Variants in OPCML observed in about 807,000 individuals in gnomAD.
The protein encoded by OPCML is opioid binding protein/cell adhesion molecule like, also known as opioid-binding protein/cell adhesion molecule.
Under a neutral mutation model 37.8 loss-of-function variants are expected in OPCML, and 13 were observed. The ratio of observed to expected loss-of-function variants is 0.34; its 90% CI spans 0.22 to 0.55. The LOEUF (loss-of-function observed/expected upper bound fraction) is 0.55. Ranked by LOEUF, OPCML falls within the 20% of genes least tolerant of loss-of-function variation. The pLI is 0.91. For missense variants in OPCML, 341 were observed against 435.6 expected, an observed-to-expected ratio of 0.78 and a Z score of 1.93; for synonymous variants, 176 against 168.8, an observed-to-expected ratio of 1.04 and a Z score of -0.33.
intron 1 of OPCML, among the ~76,000 whole-genome samples, chr11:133,525,562 C>T (rs535339069): frequency 6.6e-6 from 1 of 152,236 alleles, no homozygotes; most frequent in African/African-American, 2.4e-5. Context: ...GACATCTACA[C>T]TGCCTACCTC....
At chr11:133,178,077 G>A (rs1347627045) in intron 1 of OPCML, among the ~76,000 whole-genome samples, 1 of 152,146 alleles carries the variant, frequency 6.6e-6, no homozygotes, top group Non-Finnish European at 1.5e-5. Flanking sequence ...GACAATAGAT[G>A]AGCAGATTCA....
rs557661647 is a variant in OPCML, at chr11:132,867,620, T to C, written c.146+75306A>G. ...GCTGCAATTTTCTAACATTCTAGAC[T>C]GGGCTTTCAAGAAGCGGGGATGAGA... On this transcript the variant is annotated intron_variant, in intron 2 of 7. Transcript: ENST00000524381. 4.6e-5 allele frequency among the ~76,000 whole-genome samples: 7 copies of C among 152,288 alleles called. No individual in the cohort carries two copies. In the East Asian group the frequency reaches 9.6e-4, roughly 21 times the overall value.
chr11:133,364,109 A>G (rs1944484195), intron 1 of OPCML, among the ~76,000 whole-genome samples: 2 of 152,140 alleles, frequency 1.3e-5, no homozygotes, highest in Admixed American at 6.5e-5. Context: ...AAATGTTGTT[A>G]TCGATTTCCC....
In OPCML at chr11:133,285,103, A is replaced by G. The variant is rs189605841; in HGVS notation, c.61+247161T>C. ...ATGAGAGACCTCATGAGGAAGGGAA[A>G]TAAGGAGAATTCTAGATGAGAACCC... On this transcript the variant is annotated intron_variant, in intron 1 of 7. Coordinates refer to ENST00000524381, the MANE Select transcript of OPCML (RefSeq NM_001012393.5). 1.3e-3 allele frequency among the ~76,000 whole-genome samples: 195 copies of G among 152,324 alleles called. 1 individual carries two copies. The highest frequency in any genetic ancestry group is 4.5e-3 in the African/African-American group (187 of 41,574).
At chr11:132,957,599 A>ATT (rs1455751036) in intron 1 of OPCML, among the ~76,000 whole-genome samples, 7 of 152,142 alleles carry the variant, frequency 4.6e-5, no homozygotes, top group Non-Finnish European at 1.0e-4. Flanking sequence ...GATACTGGGT[A>ATT]TTTTACAAAT....
At chr11:132,949,924 GA>G (rs1278889511) in intron 1 of OPCML, among the ~76,000 whole-genome samples, 1 of 152,138 alleles carries the variant, frequency 6.6e-6, no homozygotes, top group African/African-American at 2.4e-5. Flanking sequence ...TTGGAAGAGC[GA>G]AAAATCAAAT....
chr11:133,188,298 G>T (rs1034880595), intron 1 of OPCML, among the ~76,000 whole-genome samples: 8 of 152,128 alleles, frequency 5.3e-5, no homozygotes, highest in African/African-American at 1.9e-4. Context: ...CTTTGGGAAA[G>T]CTTCACTTCA....
At chr11:132,457,512 T>C (rs2096086629) in intron 4 of OPCML, among the ~76,000 whole-genome samples, 1 of 152,226 alleles carries the variant, frequency 6.6e-6, no homozygotes, top group African/African-American at 2.4e-5. Context: ...TGCTATGGGA[T>C]TCCTGCCTTC....
At position 132,995,332 on chromosome 11, in the gene OPCML, A is replaced by T. The variant is rs1209665631; in HGVS notation, c.62-52322T>A. On this transcript the variant is annotated intron_variant, in intron 1 of 7. Coordinates refer to ENST00000524381, the MANE Select transcript of OPCML (RefSeq NM_001012393.5). The stretch of plus-strand genomic sequence containing the variant: ...CTTACATCTAGGGGCTAAGGCTCTT[A>T]CTCAATGATAGTATTAGTAGTCATA... Among the ~76,000 whole-genome samples the T allele has an allele frequency of 2.6e-5, 4 of 152,242 alleles. No individual in the cohort carries two copies. The South Asian group carries it at 8.3e-4, about 32-fold the overall frequency.
At chr11:133,350,896 C>A (rs1211374374) in intron 1 of OPCML, among the ~76,000 whole-genome samples, 1 of 152,156 alleles carries the variant, frequency 6.6e-6, no homozygotes, top group Non-Finnish European at 1.5e-5. Flanking sequence ...TGATGGCTCA[C>A]ACAGAGGTAT....
At chr11:133,043,973 C>T (rs1947956769) in intron 1 of OPCML, among the ~76,000 whole-genome samples, 1 of 152,204 alleles carries the variant, frequency 6.6e-6, no homozygotes, top group African/African-American at 2.4e-5. Flanking sequence ...GCACAGCAGA[C>T]AATAACTGTT....
chr11:132,577,256 C>T (rs2096453074), intron 3 of OPCML, among the ~76,000 whole-genome samples: 3 of 152,098 alleles, frequency 2.0e-5, no homozygotes, highest in Admixed American at 2.0e-4. Flanking sequence ...CTCTATCTTG[C>T]TGATGTCACT....
intron 4 of OPCML, among the ~76,000 whole-genome samples, chr11:132,469,589 A>G (rs887950267): frequency 1.1e-4 from 11 of 102,658 alleles, no homozygotes; most frequent in Non-Finnish European, 2.0e-4. Flanking sequence ...GTATGGATGT[A>G]TGTGTATGTG....
chr11:132,799,439 T>C (rs1938519867), intron 2 of OPCML, among the ~76,000 whole-genome samples: 1 of 152,082 alleles, frequency 6.6e-6, no homozygotes, highest in African/African-American at 2.4e-5. Flanking sequence ...TAGGGTCTTA[T>C]GGAGAAGGAA....
chr11:132,542,088 G>A (rs2096358018), intron 3 of OPCML, among the ~76,000 whole-genome samples: 1 of 152,174 alleles, frequency 6.6e-6, no homozygotes. Flanking sequence ...TCAGTGCGGA[G>A]TGTGAGCAGG....
At chr11:133,286,697 C>A (rs1942309663) in intron 1 of OPCML, among the ~76,000 whole-genome samples, 1 of 152,270 alleles carries the variant, frequency 6.6e-6, no homozygotes, top group African/African-American at 2.4e-5. Context: ...TCTACCTGCA[C>A]TAACCTCAAG....
chr11:133,127,570 A>G (rs1317687391), intron 1 of OPCML, among the ~76,000 whole-genome samples: 1 of 151,626 alleles, frequency 6.6e-6, no homozygotes, highest in Admixed American at 6.6e-5. Context: ...GAGGTGGAGG[A>G]TGCAGTGGGC....
chr11:132,999,509 A>C (rs1238638543), intron 1 of OPCML, among the ~76,000 whole-genome samples: 3 of 148,258 alleles, frequency 2.0e-5, no homozygotes, highest in Non-Finnish European at 4.4e-5. Context: ...CTTTAGAGGG[A>C]GCTTATTATT....
At chr11:133,238,190 A>G (rs1592132269) in intron 1 of OPCML, among the ~76,000 whole-genome samples, 1 of 152,298 alleles carries the variant, frequency 6.6e-6, no homozygotes, top group Admixed American at 6.5e-5. Context: ...ACAGTCCCGG[A>G]TAGCAGGACC....
Sources: gnomAD v4.1 joint callset for allele counts (sites outside exome capture counted in the v4.1 genomes callset) on GRCh38, gnomAD v4.1.1 for gene constraint, MANE v1.5 for transcripts, NCBI Gene and HGNC (gene_info 2026-07-23, HGNC 2026-07-21) for gene names.